The following CD44 variants were observed in gnomAD, a reference collection of about 807,000 sequenced individuals.
CD44 encodes the protein CD44 molecule (IN blood group).
CD44 carries 49 observed loss-of-function variants against 88.8 expected under a neutral mutation model. The ratio of observed to expected loss-of-function variants is 0.55; its 90% CI spans 0.44 to 0.70. CD44 has a LOEUF of 0.70. CD44 is among the 30% of genes least tolerant of loss of function. The pLI is 0.00. For synonymous variants in CD44, 325 were observed against 312.3 expected (o/e 1.04, Z -0.43); for missense variants, 883 against 913.8 (o/e 0.97, Z 0.43).
intron 1 of CD44, among the ~76,000 whole-genome samples, chr11:35,147,746 G>A (rs774219961): frequency 3.3e-5 from 5 of 151,990 alleles, no homozygotes; most frequent in South Asian, 2.1e-4. Flanking sequence ...ATAGTAGCAC[G>A]ATAACAGTAA....
Position 35,172,658 on chromosome 11 carries a change from A to G in CD44, c.68-3917A>G, listed in dbSNP as rs370089888. 7.0e-4 allele frequency among the ~76,000 whole-genome samples: 107 copies of G among 152,282 alleles called. 2 individuals carry two copies. In the South Asian group the frequency reaches 0.022, roughly 32 times the overall value. ...GGGACATTGTCCTGATGAACTTTTCATAAAGCATCAATGATTTTTTCATTC... is the reference window on the plus strand; with the variant it reads ...GGGACATTGTCCTGATGAACTTTTCGTAAAGCATCAATGATTTTTTCATTC... On this transcript the variant is annotated intron_variant, in intron 1 of 17. Transcript: ENST00000428726.
intron 1 of CD44, among the ~76,000 whole-genome samples, chr11:35,169,924 G>T (rs1943693704): frequency 6.6e-6 from 1 of 152,094 alleles, no homozygotes; most frequent in African/African-American, 2.4e-5. Flanking sequence ...GGATGACATT[G>T]GGCAAAGGAC....
In CD44 at chr11:35,156,900, G is replaced by A. The variant is rs368740436; in HGVS notation, c.67+17530G>A. ...ATATTTTTAATTGGCTGTGCATGGTGGCATGCACCTGTAGTCCCAGCTGCT... is the reference window on the plus strand; with the variant it reads ...ATATTTTTAATTGGCTGTGCATGGTAGCATGCACCTGTAGTCCCAGCTGCT... On this transcript the variant is annotated intron_variant, in intron 1 of 17. Transcript: ENST00000428726. Among the ~76,000 whole-genome samples the A allele has an allele frequency of 2.6e-4, 39 of 152,282 alleles. No homozygotes were observed. In the East Asian group the frequency reaches 6.0e-3, roughly 23 times the overall value.
chr11:35,177,642 G>C (rs1287809236), intron 2 of CD44, among the ~76,000 whole-genome samples: 1 of 152,180 alleles, frequency 6.6e-6, no homozygotes. Context: ...GAACTCTACG[G>C]AAACCATGAA....
intron 4 of CD44, 33 bp downstream of exon 4, chr11:35,186,933 C>G (rs777131826): frequency 7.3e-7 from 1 of 1,377,412 alleles, no homozygotes; most frequent in East Asian, 2.3e-5. Flanking sequence ...ATTAAATTTT[C>G]CTATTTTGGG....
rs11607491 is a variant in CD44, at chr11:35,204,536, C to T, written c.1178C>T (p.Thr393Met). 7.9e-3 allele frequency: 12,732 copies of T among 1,613,178 alleles called. 79 individuals are homozygous for T. The highest frequency in any genetic ancestry group is 0.011 in the Middle Eastern group (66 of 6,056). Residue 393 changes from threonine (T) to methionine (M), a missense_variant, in exon 10 of 18, where the codon ACG becomes ATG. By Grantham distance (81) the Thr-to-Met change is moderately conservative (BLOSUM62 -1). Coordinates refer to ENST00000428726, the MANE Select transcript of CD44 (RefSeq NM_000610.4). ...GTCCAGGCAACTCCTAGTAGTACAA[C>T]GGAAGAAACAGCTACCCAGAAGGAA... ...STIQATPSST[T>M]EETATQKEQW...
chr11:35,140,213 C>G lies in CD44; in HGVS notation c.67+843C>G, dbSNP rs1255653546. Among the ~76,000 whole-genome samples, 4 of 152,234 alleles carry G rather than the reference C, an allele frequency of 2.6e-5. No homozygotes were observed. In the South Asian group the frequency reaches 8.3e-4, roughly 32 times the overall value. Reference sequence around the variant, plus strand: ...CCCTGGAGCTAGGGCTCCAATATCTCATCCAAACAGGGTCAGTGCTTTGTG... The same window carrying G: ...CCCTGGAGCTAGGGCTCCAATATCTGATCCAAACAGGGTCAGTGCTTTGTG... On this transcript the variant is annotated intron_variant, in intron 1 of 17. Transcript: ENST00000428726.
In CD44 at chr11:35,181,756, TTATATTTA is replaced by T. The variant is rs1347330674; in HGVS notation, c.367+1361_367+1368del. Among the ~76,000 whole-genome samples the T allele has an allele frequency of 3.2e-5, 4 of 125,654 alleles. No homozygotes were observed. In the South Asian group the frequency reaches 8.8e-4, roughly 28 times the overall value. The allele number at this position is 125,654 out of a possible 152,430, so 82.4% of individuals were successfully genotyped here. On this transcript the variant is annotated intron_variant, in intron 3 of 17. Coordinates refer to ENST00000428726, the MANE Select transcript of CD44 (RefSeq NM_000610.4). ...TATATTTATATTCATTTATATAAATTTATATTTATATATTTATATTTATTTATATAAAT... is the reference window on the plus strand; with the variant it reads ...TATATTTATATTCATTTATATAAATTTATATTTATATTTATTTATATAAAT...
chr11:35,221,887 C>G (rs55927167), intron 17 of CD44, among the ~76,000 whole-genome samples, 155 bp downstream of exon 17: 9,640 of 152,270 alleles, frequency 0.063, 409 homozygotes, highest in East Asian at 0.12. Context: ...AACCCCAGAC[C>G]TCCTATGGCA....
rs550510845 is a variant in CD44 at position 35,228,324 on chromosome 11, A to C, written c.2025-805A>C. On this transcript the variant is annotated intron_variant, in intron 17 of 17. Transcript: ENST00000428726. ...TTCCTATATCAGGGTTGTATGAGTT[A>C]GCCAATGTTAGGAAAACATCACTAT... 2.0e-5 allele frequency among the ~76,000 whole-genome samples: 3 copies of C among 152,358 alleles called. No homozygotes were observed. In the South Asian group the frequency reaches 6.2e-4, roughly 32 times the overall value.
Position 35,168,902 on chromosome 11 carries a change from T to C in CD44, c.68-7673T>C, listed in dbSNP as rs143043123. ...TGAACATACTGTCCTGTAACTGAGA[T>C]GATAGCTTGCACATTCAGACAGACA... On this transcript the variant is annotated intron_variant, in intron 1 of 17. Coordinates refer to ENST00000428726, the MANE Select transcript of CD44 (RefSeq NM_000610.4). Among the ~76,000 whole-genome samples the C allele has an allele frequency of 8.8e-3, 1,338 of 152,338 alleles. 11 individuals carry two copies. The highest frequency in any genetic ancestry group is 0.01 in the Middle Eastern group (3 of 294).
chr11:35,166,450 C>G (rs1943277868), intron 1 of CD44, among the ~76,000 whole-genome samples: 1 of 151,900 alleles, frequency 6.6e-6, no homozygotes, highest in African/African-American at 2.4e-5. Flanking sequence ...CATTAGGAGA[C>G]AGGGACAGTA....
intron 4 of CD44, among the ~76,000 whole-genome samples, chr11:35,187,769 T>C (rs1342770148): frequency 6.6e-6 from 1 of 152,196 alleles, no homozygotes; most frequent in African/African-American, 2.4e-5. Context: ...TGAAAGATAA[T>C]CATGAAGGAT....
At chr11:35,172,848 G>A (rs985073122) in intron 1 of CD44, among the ~76,000 whole-genome samples, 2 of 145,748 alleles carry the variant, frequency 1.4e-5, no homozygotes. Context: ...TTATTTTGGT[G>A]CAAAAAAAAA....
rs1055133271 is a variant in CD44, at chr11:35,189,989, C to T, written c.591C>T (p.Thr197=). The T allele has an allele frequency of 6.2e-7, 1 of 1,614,190 alleles. No homozygotes were observed. Among genetic ancestry groups the T allele is most frequent in the East Asian group, 2.2e-5 (1 of 44,876 alleles). ...SSTSGGYIFY[T]FSTVHPIPDE... ...CTTCAGGAGGTTACATCTTTTACAC[C>T]TTTTCTACTGTACACCCCATCCCAG... The change falls in exon 5 of 18, where the codon ACC becomes ACT. Residue 197 remains threonine (T), a synonymous_variant. Transcript: ENST00000428726.
chr11:35,209,920 A>G (rs987329274), intron 12 of CD44, 45 bp from the exon 13 acceptor site: 3 of 1,282,032 alleles, frequency 2.3e-6, no homozygotes, highest in Non-Finnish European at 3.3e-6. Context: ...CAGGATTTGT[A>G]CCGTAGCTTC....
intron 8 of CD44, 148 bp from the exon 9 acceptor site, chr11:35,201,523 T>C: frequency 1.2e-6 from 1 of 867,448 alleles, no homozygotes; most frequent in East Asian, 2.7e-5. Context: ...ACCAATTAGG[T>C]AAAGTCACTC....
chr11:35,183,743 T>C (rs1024620822), intron 3 of CD44, among the ~76,000 whole-genome samples: 4 of 152,158 alleles, frequency 2.6e-5, no homozygotes, highest in Non-Finnish European at 4.4e-5. Context: ...GTGAGCCTGG[T>C]GACTTCTGTG....
chr11:35,225,295 C>A (rs1053294067), intron 17 of CD44, among the ~76,000 whole-genome samples: 3 of 152,130 alleles, frequency 2.0e-5, no homozygotes, highest in African/African-American at 4.8e-5. Flanking sequence ...GATCAGTTGC[C>A]AAGTTACCCA....
Sources: allele counts gnomAD v4.1 joint callset (sites outside exome capture counted in the v4.1 genomes callset), GRCh38; gene constraint gnomAD v4.1.1; transcripts MANE v1.5; gene names NCBI Gene and HGNC (gene_info 2026-07-23, HGNC 2026-07-21).